The following NSD2 variants were observed in gnomAD, a reference collection of about 807,000 sequenced individuals.
NSD2 encodes histone-lysine N-methyltransferase NSD2.
Under a neutral mutation model 139.0 loss-of-function variants are expected in NSD2, and 12 were observed. That is an observed-to-expected ratio of 0.09 (90% CI 0.06 to 0.14). NSD2 has a LOEUF of 0.14. Among genes scored for constraint, NSD2 ranks in the 10% least tolerant of loss-of-function variants. The probability of loss-of-function intolerance (pLI) is 1.00; values close to 1 mark genes in which losing one functional copy is unlikely to be tolerated. For missense variants in NSD2, 1,155 were observed against 1,745.0 expected (o/e 0.66, Z 6.02); for synonymous variants, 669 against 648.7 (o/e 1.03, Z -0.48).
intron 8 of NSD2, 131 bp downstream of exon 8, chr4:1,938,663 T>A: frequency 1.6e-6 from 1 of 637,058 alleles, no homozygotes; most frequent in Non-Finnish European, 2.6e-6. Flanking sequence ...AATCCACAAT[T>A]AAGCTAGGAG....
At chr4:1,931,513 C>G (rs1278215608) in intron 6 of NSD2, among the ~76,000 whole-genome samples, 1 of 151,704 alleles carries the variant, frequency 6.6e-6, no homozygotes, top group Non-Finnish European at 1.5e-5. Context: ...ATTAGGGTAT[C>G]AATTTAAAAT....
At chr4:1,908,206 T>C (rs1718194475) in intron 3 of NSD2, among the ~76,000 whole-genome samples, 1 of 152,226 alleles carries the variant, frequency 6.6e-6, no homozygotes, top group Admixed American at 6.5e-5. Flanking sequence ...ATGACTGCTT[T>C]AGCTTTCTCA....
intron 3 of NSD2, among the ~76,000 whole-genome samples, chr4:1,907,717 A>G (rs1718121546): frequency 6.6e-6 from 1 of 150,468 alleles, no homozygotes; most frequent in East Asian, 1.9e-4. Context: ...GGTTCAAGCA[A>G]TTCTCCTGCC....
intron 3 of NSD2, among the ~76,000 whole-genome samples, chr4:1,904,887 T>G (rs1717678317): frequency 6.6e-6 from 1 of 152,154 alleles, no homozygotes; most frequent in Admixed American, 6.5e-5. Flanking sequence ...TCCCAACACT[T>G]TGGGAGGCCG....
rs762870190 is a variant in NSD2 at position 1,953,355 on chromosome 4, C to G, written c.2169C>G (p.Ser723Arg). The G allele has an allele frequency of 9.8e-5, 158 of 1,614,110 alleles. No homozygotes were observed. The highest frequency in any genetic ancestry group is 1.2e-4 in the Non-Finnish European group (147 of 1,180,058). ...GIHSCFVCKE[S>R]KTDVKRCVVT... is the part of the protein sequence containing the mutation. ...ACTCATGTTTCGTGTGTAAAGAGAGCAAGACAGATGTTAAGCGCTGTGTGG... is the reference window on the plus strand; with the variant it reads ...ACTCATGTTTCGTGTGTAAAGAGAGGAAGACAGATGTTAAGCGCTGTGTGG... Residue 723 changes from serine to arginine, a missense_variant, in exon 12 of 22, where the codon AGC becomes AGG. Coordinates refer to ENST00000508803, the MANE Select transcript of NSD2 (RefSeq NM_001042424.3).
At chr4:1,879,295 T>C (rs964131931) in intron 1 of NSD2, among the ~76,000 whole-genome samples, 13 of 152,216 alleles carry the variant, frequency 8.5e-5, no homozygotes, top group African/African-American at 2.9e-4. Context: ...CTCAGCTCGC[T>C]GCAAGCTCCG....
Position 1,953,150 on chromosome 4 carries a change from G to C in NSD2, c.2138-174G>C, listed in dbSNP as rs1339090385. On this transcript the variant is annotated intron_variant, in intron 11 of 21. Transcript: ENST00000508803. ...GCAGCAAGGTAATCCTTGATGGCTG[G>C]ATCTTTTTGCTGGAGAATGCTTGGA... The C allele has an allele frequency of 2.6e-6, 4 of 1,550,838 alleles. No homozygotes were observed. In the South Asian group the frequency reaches 4.7e-5, roughly 18 times the overall value.
At chr4:1,965,414 G>A (rs1725785701) in intron 18 of NSD2, among the ~76,000 whole-genome samples, 1 of 152,176 alleles carries the variant, frequency 6.6e-6, no homozygotes, top group Admixed American at 6.5e-5. Context: ...ATCTATTGTG[G>A]GAGTCCCAGA....
Position 1,961,156 on chromosome 4 carries a change from T to C in NSD2, c.3372+5T>C. 6.3e-7 allele frequency: 1 copy of C among 1,598,576 alleles called. No homozygotes were observed. The highest frequency in any genetic ancestry group is 8.6e-7 in the Non-Finnish European group (1 of 1,167,398). ...TACATGCTCACTATAGACAAGGTAA[T>C]GCGGAACTCCACTGTGAGCTTCTGC... On this transcript the variant is annotated splice_donor_5th_base_variant and intron_variant, in intron 18 of 21. Transcript: ENST00000508803.
In NSD2 at chr4:1,955,290, A is replaced by G. The variant is rs1435819330; in HGVS notation, c.2468A>G (p.Lys823Arg). 6.2e-7 allele frequency: 1 copy of G among 1,613,910 alleles called. No homozygotes were observed. Among genetic ancestry groups the G allele is most frequent in the East Asian group, 2.2e-5 (1 of 44,894 alleles). ...GCCCACTTCACTGCTCGGAAGGGGA[A>G]GCGACACCACGCCCACGTCAACGTG... ...CTAHFTARKG[K>R]RHHAHVNVSW... is the part of the protein sequence containing the mutation. The change falls in exon 13 of 22, where the codon AAG becomes AGG. Residue 823 changes from lysine to arginine, a missense_variant. By Grantham distance (26) the Lys-to-Arg change is conservative. Around this residue, in one of 8 missense-constraint regions of NSD2, gnomAD observed 120 missense variants for 239.3 expected, o/e 0.50. Transcript: ENST00000508803. The surrounding 1 kb of genome is among the most constrained non-coding windows in gnomAD (Gnocchi z 4.7).
intron 1 of NSD2, among the ~76,000 whole-genome samples, chr4:1,884,760 A>G (rs1334065722): frequency 6.6e-6 from 1 of 152,070 alleles, no homozygotes; most frequent in Non-Finnish European, 1.5e-5. Context: ...TCGTGTTAAC[A>G]GTTTATTGGG....
chr4:1,904,949 G>T (rs1717688736), intron 3 of NSD2, among the ~76,000 whole-genome samples: 3 of 152,142 alleles, frequency 2.0e-5, no homozygotes, highest in Non-Finnish European at 4.4e-5. Context: ...TGACCAACAT[G>T]GTCAAACCGC....
intron 9 of NSD2, chr4:1,943,165 G>C (rs1007927991): frequency 9.6e-7 from 1 of 1,041,934 alleles, no homozygotes; most frequent in African/African-American, 1.7e-5. Context: ...CCAGGTGTCC[G>C]CATTTTTGCA....
intron 1 of NSD2, among the ~76,000 whole-genome samples, chr4:1,871,925 C>T (rs1713807543): frequency 6.8e-6 from 1 of 147,624 alleles, no homozygotes; most frequent in Non-Finnish European, 1.5e-5. Context: ...GCGGCTGCAC[C>T]TGTGCCCGGC....
Position 1,981,470 on chromosome 4 carries a change from C to G in NSD2, c.*2561C>G. ...TGTGAAGCAAAACACAAAAACCGCC[C>G]CAATCCCTCAGGATTCCTTGGCATC... On this transcript the variant is annotated 3_prime_UTR_variant, in exon 22 of 22. Transcript: ENST00000508803. 4.1e-6 allele frequency: 1 copy of G among 243,216 alleles called. No homozygotes were observed. The allele number at this position is 243,216 out of a possible 1,614,324, so 15.1% of individuals were successfully genotyped here. A position where few individuals can be genotyped will look rare whatever the true frequency, so the allele number is the denominator to read the frequency against.
Position 1,976,821 on chromosome 4 carries a change from G to C in NSD2, c.3826+142G>C. On this transcript the variant is annotated intron_variant, in intron 21 of 21. Coordinates refer to ENST00000508803, the MANE Select transcript of NSD2 (RefSeq NM_001042424.3). The surrounding 1 kb of genome is among the most constrained non-coding windows in gnomAD (Gnocchi z 5.3). ...CTCATGCAGCGAAGGCCCTGATCCAGGGTGGCAGAGCCTTTCTTTGTTCCA... is the reference window on the plus strand; with the variant it reads ...CTCATGCAGCGAAGGCCCTGATCCACGGTGGCAGAGCCTTTCTTTGTTCCA... 1 of 823,626 alleles carries C rather than the reference G, an allele frequency of 1.2e-6. No individual in the cohort carries two copies. The allele number at this position is 823,626 out of a possible 1,614,324, so 51.0% of individuals were successfully genotyped here.
At chr4:1,961,883 T>C (rs1725410143) in intron 18 of NSD2, among the ~76,000 whole-genome samples, 1 of 152,220 alleles carries the variant, frequency 6.6e-6, no homozygotes, top group Non-Finnish European at 1.5e-5. Flanking sequence ...CTGAGTGGTC[T>C]TTGAAAGGAA....
At chr4:1,923,663 C>G (rs1216241753) in intron 5 of NSD2, among the ~76,000 whole-genome samples, 1 of 152,138 alleles carries the variant, frequency 6.6e-6, no homozygotes, top group Non-Finnish European at 1.5e-5. Context: ...TTGGCAAGAT[C>G]TAGTGAAATT....
chr4:1,943,189 G>A, intron 9 of NSD2: 3 of 1,041,368 alleles, frequency 2.9e-6, no homozygotes, highest in Non-Finnish European at 2.3e-6. Context: ...TAAGGAAAAG[G>A]CTTACTTGCC....
Sources: allele counts gnomAD v4.1 joint callset (sites outside exome capture counted in the v4.1 genomes callset), GRCh38; gene constraint gnomAD v4.1.1; regional missense constraint gnomAD v4.1.1; non-coding constraint Gnocchi (gnomAD v3.1); transcripts MANE v1.5; gene names NCBI Gene and HGNC (gene_info 2026-07-23, HGNC 2026-07-21).